GSE1: variants seen among roughly 807,000 people sequenced by gnomAD.
The protein encoded by GSE1 is genetic suppressor element 1.
A neutral mutation model predicts 112.6 loss-of-function variants in GSE1; 32 were observed. The observed-to-expected ratio is 0.28, with a 90% CI of 0.21 to 0.38. The LOEUF is 0.38. Among genes scored for constraint, GSE1 ranks in the 10% least tolerant of loss-of-function variants. The probability of loss-of-function intolerance (pLI) is 1.00; values close to 1 mark genes in which losing one functional copy is unlikely to be tolerated. For synonymous variants in GSE1, 1,115 were observed against 735.6 expected (o/e 1.52, Z -8.35); for missense variants, 2,348 against 1,699.2 (o/e 1.38, Z -6.71).
chr16:85,375,023 G>T (rs1376022954), intron 2 of GSE1, among the ~76,000 whole-genome samples: 1 of 152,192 alleles, frequency 6.6e-6, no homozygotes, highest in East Asian at 1.9e-4. Context: ...TCCTGGCGCA[G>T]CCACTCGCTG....
At chr16:85,420,973 C>T (rs2048829506) in intron 2 of GSE1, among the ~76,000 whole-genome samples, 1 of 152,196 alleles carries the variant, frequency 6.6e-6, no homozygotes, top group African/African-American at 2.4e-5. Context: ...GCGTCTGCGC[C>T]GCCACCGCCT....
intron 2 of GSE1, among the ~76,000 whole-genome samples, chr16:85,389,332 C>T (rs911959079): frequency 3.9e-5 from 6 of 152,042 alleles, no homozygotes; most frequent in Non-Finnish European, 8.8e-5. Flanking sequence ...TGGTGGCAGG[C>T]ACCTGTAATC....
chr16:85,332,035 G>A (rs2151520819), intron 1 of GSE1, among the ~76,000 whole-genome samples: 1 of 152,050 alleles, frequency 6.6e-6, no homozygotes. Flanking sequence ...TAGAGGCTCT[G>A]GGGCCCTTTG....
intron 2 of GSE1, among the ~76,000 whole-genome samples, chr16:85,518,713 A>G (rs995496283): frequency 1.3e-4 from 19 of 151,918 alleles, no homozygotes; most frequent in Non-Finnish European, 1.6e-4. Context: ...GTTTTAAATC[A>G]CCCAGCAAGC....
chr16:85,483,717 C>A (rs982016103), intron 2 of GSE1, among the ~76,000 whole-genome samples: 2 of 152,264 alleles, frequency 1.3e-5, no homozygotes, highest in Non-Finnish European at 2.9e-5. Context: ...TGACTTTGAG[C>A]GAGGGAGCCC....
At chr16:85,581,243 G>T (rs2046436032) in intron 1 of GSE1, among the ~76,000 whole-genome samples, 1 of 152,214 alleles carries the variant, frequency 6.6e-6, no homozygotes, top group Admixed American at 6.5e-5. Flanking sequence ...CCCCAAGAGA[G>T]GGGGAGGATC....
chr16:85,520,425 C>G (rs2052143150), intron 2 of GSE1, among the ~76,000 whole-genome samples: 1 of 150,250 alleles, frequency 6.7e-6, no homozygotes, highest in African/African-American at 2.4e-5. Context: ...CAGCCCTGCT[C>G]CTATTTTTTT....
chr16:85,669,274 C>T (rs1247435119), intron 14 of GSE1, among the ~76,000 whole-genome samples: 3 of 152,270 alleles, frequency 2.0e-5, no homozygotes, highest in Admixed American at 6.5e-5. Flanking sequence ...CCACAGCCAC[C>T]TGTAATTGAT....
At chr16:85,652,141 C>T (rs771901584) in intron 3 of GSE1, among the ~76,000 whole-genome samples, 1 of 152,216 alleles carries the variant, frequency 6.6e-6, no homozygotes, top group South Asian at 2.1e-4. Context: ...ACAGCTGTGC[C>T]ATCAACTCTG....
chr16:85,397,321 T>C (rs2047989964), intron 2 of GSE1, among the ~76,000 whole-genome samples: 1 of 152,190 alleles, frequency 6.6e-6, no homozygotes, highest in South Asian at 2.1e-4. Context: ...CGACCCCCGC[T>C]CCCACCCTTG....
chr16:85,652,887 GGGCTGGTGCTCTTCAGGAGCAC>G (rs1342408441), intron 3 of GSE1, among the ~76,000 whole-genome samples: 3 of 152,094 alleles, frequency 2.0e-5, no homozygotes, highest in African/African-American at 7.2e-5. Flanking sequence ...AGGCAGAGCG[GGGCTGGTGCTCTTCAGGAGCAC>G]TGCCCGCTGA....
chr16:85,308,164 C>A lies in GSE1; in HGVS notation c.2284-49299C>A, dbSNP rs190420019. On this transcript the variant is annotated intron_variant, in intron 1 of 2. Transcript: ENST00000637419. ...CGGTTTCCTTGTATTTCACCTAGAACGCTGAGCTGCTCTTCTCTTTGAATT... is the reference window on the plus strand; with the variant it reads ...CGGTTTCCTTGTATTTCACCTAGAAAGCTGAGCTGCTCTTCTCTTTGAATT... Among the ~76,000 whole-genome samples the A allele has an allele frequency of 1.6e-4, 24 of 152,304 alleles. No homozygotes were observed. The South Asian group carries it at 2.9e-3, about 18-fold the overall frequency.
intron 1 of GSE1, among the ~76,000 whole-genome samples, chr16:85,293,098 C>A (rs1468951770): frequency 6.6e-6 from 1 of 152,142 alleles, no homozygotes; most frequent in Non-Finnish European, 1.5e-5. Context: ...ACCGATCCCC[C>A]ATGGTCAGGC....
intron 1 of GSE1, among the ~76,000 whole-genome samples, chr16:85,319,503 G>A (rs2046054656): frequency 6.6e-6 from 1 of 152,194 alleles, no homozygotes; most frequent in Admixed American, 6.5e-5. Flanking sequence ...GCGTCGGGCT[G>A]ATGAGCTCCC....
intron 1 of GSE1, among the ~76,000 whole-genome samples, chr16:85,246,312 C>CACACACCCCACACGCTGTCT (rs1905720226): frequency 1.6e-5 from 1 of 63,900 alleles, no homozygotes. Context: ...ACGCTGTCTA[C>CACACACCCCACACGCTGTCT]ACACACACAC....
intron 2 of GSE1, among the ~76,000 whole-genome samples, chr16:85,472,536 A>G (rs1347563706): frequency 6.6e-6 from 1 of 152,084 alleles, no homozygotes; most frequent in Admixed American, 6.5e-5. Context: ...ACCTAATTAT[A>G]TCTGCAAAGG....
rs187147013 is a variant in GSE1, at chr16:85,274,995, G to A, written c.2284-82468G>A. ...CATCAGCAGCCTTGAGGCTCAAAGC[G>A]TTCCTTATTAGAGCTCCTTGGTGGC... On this transcript the variant is annotated intron_variant, in intron 1 of 2. Transcript: ENST00000637419. Among the ~76,000 whole-genome samples the A allele has an allele frequency of 3.0e-3, 458 of 152,322 alleles. 2 individuals are homozygous for A. The highest frequency in any genetic ancestry group is 0.01 in the African/African-American group (426 of 41,568).
chr16:85,257,177 C>T lies in GSE1; in HGVS notation c.2283+85370C>T, dbSNP rs191720190. On this transcript the variant is annotated intron_variant, in intron 1 of 2. Coordinates refer to the GSE1 transcript ENST00000637419. ...AGGCTGGAGTGCAGTGGCGCGATCT[C>T]GGCCCACTGCAACCTCCACCTCCTG... Among the ~76,000 whole-genome samples, 246 of 152,286 alleles carry T rather than the reference C, an allele frequency of 1.6e-3. 2 individuals carry two copies. The highest frequency in any genetic ancestry group is 5.6e-3 in the African/African-American group (232 of 41,546).
At chr16:85,372,517 C>G (rs1234643943) in intron 2 of GSE1, among the ~76,000 whole-genome samples, 1 of 147,142 alleles carries the variant, frequency 6.8e-6, no homozygotes, top group Non-Finnish European at 1.5e-5. Flanking sequence ...AAAGAACACA[C>G]TACCCTATGG....
Sources: allele counts gnomAD v4.1 joint callset (sites outside exome capture counted in the v4.1 genomes callset), GRCh38; gene constraint gnomAD v4.1.1; transcripts MANE v1.5; gene names NCBI Gene and HGNC (gene_info 2026-07-23, HGNC 2026-07-21).